The following LRP2 variants were observed in gnomAD, a reference collection of about 807,000 sequenced individuals.
The protein encoded by LRP2 is low-density lipoprotein receptor-related protein 2.
Under a neutral mutation model 531.0 loss-of-function variants are expected in LRP2, and 172 were observed. The observed-to-expected ratio is 0.32, with a 90% CI of 0.29 to 0.37. LRP2 has a LOEUF of 0.37. Among genes scored for constraint, LRP2 ranks in the 10% least tolerant of loss-of-function variants. LRP2 has a pLI of 1.00. For missense variants in LRP2, 5,167 were observed against 5,868.3 expected (o/e 0.88, Z 3.90); for synonymous variants, 1,992 against 2,027.6 (o/e 0.98, Z 0.47).
intron 16 of LRP2, among the ~76,000 whole-genome samples, chr2:169,261,697 T>C (rs996788605): frequency 1.3e-5 from 2 of 152,036 alleles, no homozygotes; most frequent in Non-Finnish European, 2.9e-5. Flanking sequence ...CCTTCTGAAA[T>C]GATTCCAATC....
rs763375364 is a variant in LRP2 at position 169,176,436 on chromosome 2, G to T, written c.10546C>A (p.Gln3516Lys). The T allele has an allele frequency of 2.2e-5, 36 of 1,614,040 alleles. No individual in the cohort carries two copies. The highest frequency in any genetic ancestry group is 2.7e-5 in the Non-Finnish European group (32 of 1,180,048). The change falls in exon 54 of 79, where the codon CAG (glutamine) becomes AAG (lysine). Residue 3516 changes from glutamine to lysine, a missense_variant. This residue lies in a region of LRP2 where 311 missense variants were observed against 309.4 expected (regional missense o/e 1.01). Coordinates refer to ENST00000649046, the MANE Select transcript of LRP2 (RefSeq NM_004525.3). Reference sequence around the variant, plus strand: ...TTTTCATTGTTAGCGCACAGGAACTGGGTGCTGGAGCACATGGGCATGCAG... The same window carrying T: ...TTTTCATTGTTAGCGCACAGGAACTTGGTGCTGGAGCACATGGGCATGCAG... The part of the protein sequence containing the change: ...TYCMPMCSST[Q>K]FLCANNEKCI...
At chr2:169,177,030 C>T in intron 53 of LRP2, among the ~76,000 whole-genome samples, 1 of 152,194 alleles carries the variant, frequency 6.6e-6, no homozygotes, top group Non-Finnish European at 1.5e-5. Flanking sequence ...TACTAATTTT[C>T]CTGGTCACCA....
intron 10 of LRP2, among the ~76,000 whole-genome samples, chr2:169,281,730 AT>A (rs1234610563): frequency 6.6e-6 from 1 of 151,748 alleles, no homozygotes; most frequent in Middle Eastern, 3.4e-3. Flanking sequence ...AAATAAATAA[AT>A]AAAAATAAAT....
chr2:169,198,371 A>G (rs62172609), intron 45 of LRP2, among the ~76,000 whole-genome samples: 65,498 of 152,060 alleles, frequency 0.43, 16,314 homozygotes, highest in African/African-American at 0.69. Flanking sequence ...CTGTGATCAC[A>G]CCACTACACT....
intron 4 of LRP2, among the ~76,000 whole-genome samples, chr2:169,297,494 T>C (rs1684163945): frequency 6.6e-6 from 1 of 152,160 alleles, no homozygotes; most frequent in South Asian, 2.1e-4. Flanking sequence ...AGCTATAAAT[T>C]AAGCCTCAGA....
rs747045333 is a variant in LRP2, at chr2:169,204,211, G to A, written c.7776C>T (p.Ala2592=). The A allele has an allele frequency of 7.4e-6, 12 of 1,613,964 alleles. No individual in the cohort carries two copies. Among genetic ancestry groups the A allele is most frequent in the South Asian group, 5.5e-5 (5 of 91,078 alleles). Residue 2592 remains alanine, a synonymous_variant, in exon 42 of 79, where the codon GCC becomes GCT. Coordinates refer to ENST00000649046, the MANE Select transcript of LRP2 (RefSeq NM_004525.3). ...GVDREVIVNA[A]VHAFGLTLYG... ...AGAGAGTCAAGCCAAAAGCATGAAC[G>A]GCTGCATTGACAATGACTTCACGAT... is the stretch of plus-strand genomic sequence containing the variant.
At chr2:169,360,996 C>T (rs551587922) in intron 1 of LRP2, among the ~76,000 whole-genome samples, 7 of 152,214 alleles carry the variant, frequency 4.6e-5, no homozygotes, top group African/African-American at 1.7e-4. Context: ...TCCACATTCC[C>T]CACCCATCAA....
At chr2:169,205,942 G>T in intron 40 of LRP2, 81 bp downstream of exon 40, 1 of 1,526,744 alleles carries the variant, frequency 6.5e-7, no homozygotes, top group Non-Finnish European at 9.1e-7. Context: ...TAACACATTG[G>T]CTATCTATGA....
intron 50 of LRP2, among the ~76,000 whole-genome samples, chr2:169,184,603 G>A (rs985613087): frequency 1.3e-5 from 2 of 152,140 alleles, no homozygotes; most frequent in African/African-American, 4.8e-5. Context: ...TAAGAAGTGT[G>A]GTTCATCTGG....
In LRP2 at chr2:169,185,936, G is replaced by T; in HGVS notation, c.9412C>A (p.Arg3138Ser). The T allele has an allele frequency of 6.2e-7, 1 of 1,613,844 alleles. No individual in the cohort carries two copies. The highest frequency in any genetic ancestry group is 1.1e-5 in the South Asian group (1 of 91,030). The change falls in exon 50 of 79, where the codon CGT (arginine) becomes AGT (serine). Residue 3138 changes from arginine (R) to serine (S), a missense_variant. By Grantham distance (110) the Arg-to-Ser change is moderately radical. This residue lies in a region of LRP2 where 1,129 missense variants were observed against 1,362.7 expected (regional missense o/e 0.83). Coordinates refer to ENST00000649046, the MANE Select transcript of LRP2 (RefSeq NM_004525.3). ...DTLTSFYCSC[R>S]PGYKLMSDKR... is the part of the protein sequence containing the mutation. ...TCAGACATGAGCTTGTAACCAGGAC[G>T]ACAGGAACAATAGAAACTGGTTAAG...
At chr2:169,249,627 A>G in intron 19 of LRP2, among the ~76,000 whole-genome samples, 1 of 30,468 alleles carries the variant, frequency 3.3e-5, no homozygotes. Flanking sequence ...GAACAGAACA[A>G]AGCTGGATGG....
At chr2:169,310,506 T>C (rs1309539387) in intron 3 of LRP2, among the ~76,000 whole-genome samples, 3 of 152,240 alleles carry the variant, frequency 2.0e-5, no homozygotes, top group African/African-American at 4.8e-5. Context: ...ATTACGCTTA[T>C]TGATTTGCGT....
chr2:169,265,362 G>A (rs1440466664), intron 16 of LRP2, among the ~76,000 whole-genome samples: 2 of 152,026 alleles, frequency 1.3e-5, no homozygotes, highest in East Asian at 1.9e-4. Context: ...CTATCCACAT[G>A]TACAGACTTT....
chr2:169,266,921 T>G (rs1267276570), intron 16 of LRP2, among the ~76,000 whole-genome samples: 1 of 149,020 alleles, frequency 6.7e-6, no homozygotes, highest in East Asian at 2.0e-4. Flanking sequence ...AGGGTTGCAC[T>G]CTGTTGCCCA....
rs762286306 is a variant in LRP2, at chr2:169,140,440, A to G, written c.13199+15T>C. The G allele has an allele frequency of 3.1e-6, 5 of 1,609,298 alleles. No individual in the cohort carries two copies. Among genetic ancestry groups the G allele is most frequent in the Non-Finnish European group, 4.3e-6 (5 of 1,175,690 alleles). ...AGGCAAGGCCTATAGCTGGGACCTCAACATTCAGACTTACTTGCATTTGGG... is the reference window on the plus strand; with the variant it reads ...AGGCAAGGCCTATAGCTGGGACCTCGACATTCAGACTTACTTGCATTTGGG... On this transcript the variant is annotated intron_variant, in intron 72 of 78. Coordinates refer to ENST00000649046, the MANE Select transcript of LRP2 (RefSeq NM_004525.3).
rs185629519 is a variant in LRP2 at position 169,307,413 on chromosome 2, A to C, written c.311-16T>G. On this transcript the variant is annotated splice_polypyrimidine_tract_variant and intron_variant, in intron 3 of 78. Coordinates refer to ENST00000649046, the MANE Select transcript of LRP2 (RefSeq NM_004525.3). ...GTACTTTGTGCTGCGAAGAGAAAAA[A>C]TTATTACTTAATTTATAATTATTGC... 2.2e-6 allele frequency: 3 copies of C among 1,357,598 alleles called. No individual in the cohort carries two copies. The Admixed American group carries it at 5.0e-5, about 23-fold the overall frequency. 84.1% of individuals were successfully genotyped at this position (1,357,598 alleles called of 1,614,324 possible). A position where few individuals can be genotyped will look rare whatever the true frequency, so the allele number is the denominator to read the frequency against.
At chr2:169,175,571 A>G (rs1485031892) in intron 54 of LRP2, among the ~76,000 whole-genome samples, 182 bp from the exon 55 acceptor site, 1 of 152,206 alleles carries the variant, frequency 6.6e-6, no homozygotes, top group African/African-American at 2.4e-5. Flanking sequence ...ACTTGGCAAG[A>G]TAGAACAGGT....
chr2:169,245,534 A>G (rs1354977706), intron 21 of LRP2, among the ~76,000 whole-genome samples: 4 of 152,200 alleles, frequency 2.6e-5, no homozygotes, highest in African/African-American at 9.6e-5. Context: ...TCTCTCCAAA[A>G]GAAAGGTTAT....
chr2:169,182,850 A>T (rs1208518720), intron 50 of LRP2, among the ~76,000 whole-genome samples: 2 of 152,240 alleles, frequency 1.3e-5, no homozygotes, highest in African/African-American at 4.8e-5. Context: ...AACCTGAGAC[A>T]CATTTCACTT....
Sources: allele counts gnomAD v4.1 joint callset (sites outside exome capture counted in the v4.1 genomes callset), GRCh38; gene constraint gnomAD v4.1.1; regional missense constraint gnomAD v4.1.1; transcripts MANE v1.5; gene names NCBI Gene and HGNC (gene_info 2026-07-23, HGNC 2026-07-21).